PPP1R13B: variants seen among roughly 807,000 people sequenced by gnomAD.
PPP1R13B encodes apoptosis-stimulating of p53 protein 1.
Under a neutral mutation model 119.8 loss-of-function variants are expected in PPP1R13B, and 44 were observed. That is an observed-to-expected ratio of 0.37 (90% CI 0.29 to 0.47). The LOEUF is 0.47. Ranked by LOEUF, PPP1R13B falls within the 20% of genes least tolerant of loss-of-function variation. The probability of loss-of-function intolerance (pLI) is 0.99; values close to 1 mark genes in which losing one functional copy is unlikely to be tolerated. For missense variants in PPP1R13B, 1,227 were observed against 1,413.5 expected (o/e 0.87, Z 2.12); for synonymous variants, 542 against 561.5 (o/e 0.97, Z 0.49).
intron 4 of PPP1R13B, among the ~76,000 whole-genome samples, chr14:103,771,475 CTTTTT>C (rs57795299): frequency 4.1e-5 from 4 of 96,972 alleles, no homozygotes; most frequent in East Asian, 5.5e-4. Flanking sequence ...ACTAACACTT[CTTTTT>C]TTTTTTTTTT....
intron 4 of PPP1R13B, among the ~76,000 whole-genome samples, chr14:103,772,407 C>T (rs568201622): frequency 3.9e-5 from 6 of 152,288 alleles, no homozygotes; most frequent in South Asian, 4.1e-4. Context: ...AAGTTTCAAA[C>T]TACCAAATTA....
At chr14:103,769,662 G>T (rs1048030244) in intron 4 of PPP1R13B, among the ~76,000 whole-genome samples, 1 of 152,098 alleles carries the variant, frequency 6.6e-6, no homozygotes, top group Non-Finnish European at 1.5e-5. Flanking sequence ...TTATGCTCAC[G>T]TAATATTCAT....
intron 4 of PPP1R13B, chr14:103,763,171 A>G: frequency 1.7e-6 from 1 of 603,994 alleles, no homozygotes; most frequent in Non-Finnish European, 3.0e-6. Context: ...ATGGACCCGG[A>G]TTTCAGAAAC....
At chr14:103,832,396 C>T (rs1567159057) in intron 1 of PPP1R13B, among the ~76,000 whole-genome samples, 1 of 152,170 alleles carries the variant, frequency 6.6e-6, no homozygotes, top group African/African-American at 2.4e-5. Context: ...TGTCTGCCAA[C>T]GACTACCCCT....
At chr14:103,827,293 GC>G (rs1285657839) in intron 1 of PPP1R13B, among the ~76,000 whole-genome samples, 3 of 152,082 alleles carry the variant, frequency 2.0e-5, no homozygotes, top group Admixed American at 2.0e-4. Flanking sequence ...CAGAGATCGC[GC>G]CACTGCACTC....
intron 15 of PPP1R13B, chr14:103,736,732 C>T (rs143899604): frequency 3.9e-4 from 60 of 155,680 alleles, no homozygotes; most frequent in Admixed American, 1.4e-3. Context: ...CTCACACTGG[C>T]GGGACTCACC....
At chr14:103,780,359 C>T (rs964148468) in intron 3 of PPP1R13B, among the ~76,000 whole-genome samples, 1 of 151,236 alleles carries the variant, frequency 6.6e-6, no homozygotes, top group African/African-American at 2.4e-5. Flanking sequence ...TGGTGGCACA[C>T]GCCTGCGGTC....
At chr14:103,830,042 G>A (rs1265322351) in intron 1 of PPP1R13B, among the ~76,000 whole-genome samples, 1 of 152,012 alleles carries the variant, frequency 6.6e-6, no homozygotes, top group Non-Finnish European at 1.5e-5. Context: ...CTCCCAAAGT[G>A]CTGGGATTAC....
intron 1 of PPP1R13B, among the ~76,000 whole-genome samples, chr14:103,831,021 G>A (rs2086654182): frequency 6.8e-6 from 1 of 147,972 alleles, no homozygotes; most frequent in Non-Finnish European, 1.5e-5. Flanking sequence ...TTGGCTCACT[G>A]CAACCTCCGC....
chr14:103,774,240 G>A (rs1291277114), intron 4 of PPP1R13B, among the ~76,000 whole-genome samples: 2 of 152,136 alleles, frequency 1.3e-5, no homozygotes, highest in African/African-American at 4.8e-5. Context: ...GCAACTTACT[G>A]GATATCCTAG....
In PPP1R13B at chr14:103,742,909, A is replaced by C. The variant is rs755707076; in HGVS notation, c.1151-86T>G. 6.9e-7 allele frequency: 1 copy of C among 1,456,178 alleles called. No homozygotes were observed. Among genetic ancestry groups the C allele is most frequent in the Non-Finnish European group, 9.4e-7 (1 of 1,059,134 alleles). 90.2% of individuals were successfully genotyped at this position (1,456,178 alleles called of 1,614,324 possible). On this transcript the variant is annotated intron_variant, in intron 9 of 16. Coordinates refer to ENST00000202556, the MANE Select transcript of PPP1R13B (RefSeq NM_015316.3). This position sits in a 1 kb window ranked among gnomAD's most constrained non-coding sequence, Gnocchi z 4.9. ...ATAACACTCTGCCAGAAACAAAAAC[A>C]GCACTGGGACATCCCATTCTGATGC...
chr14:103,810,743 C>T (rs1297781656), intron 1 of PPP1R13B, among the ~76,000 whole-genome samples: 1 of 151,388 alleles, frequency 6.6e-6, no homozygotes, highest in Non-Finnish European at 1.5e-5. Flanking sequence ...TGCACTCCAG[C>T]CTGGATGACA....
chr14:103,776,991 C>G (rs1301158666), intron 4 of PPP1R13B, among the ~76,000 whole-genome samples: 3 of 152,036 alleles, frequency 2.0e-5, no homozygotes, highest in Admixed American at 2.0e-4. Flanking sequence ...TCAACATACA[C>G]CAACATTTCG....
intron 16 of PPP1R13B, among the ~76,000 whole-genome samples, chr14:103,735,764 C>G (rs2084092580): frequency 6.6e-6 from 1 of 152,214 alleles, no homozygotes; most frequent in Admixed American, 6.5e-5. Flanking sequence ...AGCGGCCCCT[C>G]ACTGGGGCAC....
At chr14:103,820,698 A>G (rs964089251) in intron 1 of PPP1R13B, among the ~76,000 whole-genome samples, 1 of 120,224 alleles carries the variant, frequency 8.3e-6, no homozygotes, top group African/African-American at 3.3e-5. Flanking sequence ...TGGCCGCTCT[A>G]TGATGCCCAG....
intron 1 of PPP1R13B, among the ~76,000 whole-genome samples, chr14:103,821,479 C>A (rs570528783): frequency 1.3e-5 from 2 of 152,338 alleles, no homozygotes; most frequent in South Asian, 4.1e-4. Flanking sequence ...GCACTGGGCA[C>A]AGTGGCTCAC....
chr14:103,796,068 G>C (rs1241971862), intron 2 of PPP1R13B, among the ~76,000 whole-genome samples: 2 of 152,116 alleles, frequency 1.3e-5, no homozygotes, highest in Middle Eastern at 3.2e-3. Context: ...CAGGCAGGTG[G>C]ATCACTTGAG....
chr14:103,815,789 T>TA (rs902141555), intron 1 of PPP1R13B, among the ~76,000 whole-genome samples: 15 of 141,844 alleles, frequency 1.1e-4, no homozygotes, highest in African/African-American at 1.0e-4. Flanking sequence ...TTTAAAATAA[T>TA]AAAAAAAAGT....
At chr14:103,751,103 G>T (rs768326462) in intron 7 of PPP1R13B, among the ~76,000 whole-genome samples, 6 of 152,138 alleles carry the variant, frequency 3.9e-5, no homozygotes, top group Non-Finnish European at 5.9e-5. Flanking sequence ...GCAGTGAGCC[G>T]AGATCGTGCC....
Sources: gnomAD v4.1 joint callset for allele counts (sites outside exome capture counted in the v4.1 genomes callset) on GRCh38, gnomAD v4.1.1 for gene constraint, Gnocchi (gnomAD v3.1) non-coding constraint, MANE v1.5 for transcripts, NCBI Gene and HGNC (gene_info 2026-07-23, HGNC 2026-07-21) for gene names.